The following INTS6 variants were observed in gnomAD, a reference collection of about 807,000 sequenced individuals.
INTS6 encodes the protein integrator complex subunit 6, also known as DEAD box protein.
In INTS6, 16 loss-of-function variants were observed where a neutral mutation model predicts 104.9. The ratio of observed to expected loss-of-function variants is 0.15; its 90% CI spans 0.10 to 0.23. The LOEUF (loss-of-function observed/expected upper bound fraction) is 0.23, where lower values mean the gene tolerates loss of function less well. Ranked by LOEUF, INTS6 falls within the 10% of genes least tolerant of loss-of-function variation. INTS6 has a pLI of 1.00. For synonymous variants in INTS6, 324 were observed against 358.7 expected (o/e 0.90, Z 1.09); for missense variants, 584 against 1,062.8 (o/e 0.55, Z 6.26).
At chr13:51,397,967 G>T (rs1956371154) in intron 4 of INTS6, among the ~76,000 whole-genome samples, 1 of 151,688 alleles carries the variant, frequency 6.6e-6, no homozygotes, top group African/African-American at 2.4e-5. Context: ...CCCCAGCAAG[G>T]TTCACAAGCA....
At chr13:51,434,203 T>C (rs988476763) in intron 3 of INTS6, among the ~76,000 whole-genome samples, 1 of 152,214 alleles carries the variant, frequency 6.6e-6, no homozygotes, top group South Asian at 2.1e-4. Context: ...CTTTACTTGG[T>C]AGATTCCTGT....
chr13:51,450,629 C>A (rs990180059), intron 3 of INTS6: 1 of 986,844 alleles, frequency 1.0e-6, no homozygotes, highest in Non-Finnish European at 1.2e-6. Context: ...AGATTAATTT[C>A]CTCTAACATC....
chr13:51,449,502 T>A, intron 3 of INTS6: 9 of 985,336 alleles, frequency 9.1e-6, no homozygotes, highest in Non-Finnish European at 1.1e-5. Flanking sequence ...GTATTTTTAA[T>A]AGGTAATAGG....
intron 4 of INTS6, among the ~76,000 whole-genome samples, chr13:51,410,564 G>C (rs1956665682): frequency 6.6e-6 from 1 of 152,072 alleles, no homozygotes; most frequent in African/African-American, 2.4e-5. Flanking sequence ...AATTCTAAAT[G>C]AATTATTTCT....
At chr13:51,346,905 T>G in the INTS6 span, 2 of 685,078 alleles carry the variant, frequency 2.9e-6, no homozygotes, top group African/African-American at 1.8e-5. Flanking sequence ...GAGACCACCT[T>G]AAGCAAAAAG....
the INTS6 span, chr13:51,340,966 G>A: frequency 1.3e-4 from 145 of 1,097,024 alleles, no homozygotes; most frequent in African/African-American, 1.6e-4. Context: ...TCCCTCAGCC[G>A]TCCCTAGCCC....
intron 15 of INTS6, among the ~76,000 whole-genome samples, chr13:51,372,222 G>C (rs1197259242): frequency 6.6e-6 from 1 of 151,254 alleles, no homozygotes; most frequent in African/African-American, 2.4e-5. Context: ...CCCTTGTTAG[G>C]CTCTGCCCCT....
intron 5 of INTS6, among the ~76,000 whole-genome samples, chr13:51,392,197 C>T (rs555121471): frequency 9.2e-5 from 14 of 152,196 alleles, no homozygotes; most frequent in Admixed American, 2.6e-4. Context: ...TCAGACGTCA[C>T]CTCCCGTAAA....
intron 7 of INTS6, 28 bp from the exon 8 acceptor site, chr13:51,383,769 C>T (rs1172394164): frequency 2.6e-6 from 4 of 1,543,596 alleles, no homozygotes; most frequent in South Asian, 1.2e-5. Flanking sequence ...GTAATTACTA[C>T]TTACATGAAA....
chr13:51,375,476 T>TAAAA (rs35989339), intron 13 of INTS6, among the ~76,000 whole-genome samples: 11 of 146,432 alleles, frequency 7.5e-5, no homozygotes, highest in South Asian at 2.1e-4. Flanking sequence ...TACAGTATGG[T>TAAAA]AAAAAAAAAA....
Position 51,451,957 on chromosome 13 carries a change from G to A in INTS6, c.189+21C>T, listed in dbSNP as rs773187727. 3.3e-5 allele frequency: 52 copies of A among 1,595,796 alleles called. No homozygotes were observed. The South Asian group carries it at 3.4e-4, about 11-fold the overall frequency. The stretch of plus-strand genomic sequence containing the variant: ...GAACAGGGAAGGGAAGGGAGGAAAG[G>A]GGGAGGGCGAGGGCTGTTACCTTGA... On this transcript the variant is annotated intron_variant, in intron 2 of 17. Transcript: ENST00000311234.
intron 5 of INTS6, 102 bp from the exon 6 acceptor site, chr13:51,389,546 C>G: frequency 8.9e-7 from 1 of 1,118,416 alleles, no homozygotes; most frequent in Middle Eastern, 2.1e-4. Context: ...TGTGGGGTTT[C>G]TGACAGTACT....
chr13:51,450,965 G>T, intron 3 of INTS6, 60 bp downstream of exon 3: 1 of 1,434,468 alleles, frequency 7.0e-7, no homozygotes, highest in Non-Finnish European at 9.2e-7. Flanking sequence ...TTTTGGACTG[G>T]ACTGTGTTTT....
rs1024956567 is a variant in INTS6 at position 51,364,058 on chromosome 13, T to C, written c.*1694A>G. 5.2e-6 allele frequency: 2 copies of C among 386,786 alleles called. No homozygotes were observed. 24.0% of individuals were successfully genotyped at this position (386,786 alleles called of 1,614,324 possible). A position where few individuals can be genotyped will look rare whatever the true frequency, so the allele number is the denominator to read the frequency against. ...ATATAATTTAGGAACAGACAATATA[T>C]TCTGGATTTTGTGTAACTCTCAATG... is the stretch of plus-strand genomic sequence containing the variant. On this transcript the variant is annotated 3_prime_UTR_variant, in exon 18 of 18. Transcript: ENST00000311234.
intron 4 of INTS6, 170 bp downstream of exon 4, chr13:51,430,124 C>A: frequency 1.9e-6 from 1 of 532,212 alleles, no homozygotes; most frequent in Non-Finnish European, 3.3e-6. Context: ...GATTCTTATT[C>A]AAGAAAATAA....
At chr13:51,377,876 C>A (rs1465783018) in intron 12 of INTS6, among the ~76,000 whole-genome samples, 3 of 152,098 alleles carry the variant, frequency 2.0e-5, no homozygotes, top group Non-Finnish European at 2.9e-5. Context: ...ATATCTGTAA[C>A]CATGAGTACT....
intron 3 of INTS6, chr13:51,439,057 C>T (rs1029690197): frequency 6.6e-6 from 1 of 152,228 alleles, no homozygotes; most frequent in African/African-American, 2.4e-5. Context: ...AAGGTTCACT[C>T]GCTTTAAGAC....
intron 9 of INTS6, among the ~76,000 whole-genome samples, chr13:51,382,903 CCT>C (rs1220104405): frequency 6.6e-6 from 1 of 151,846 alleles, no homozygotes; most frequent in African/African-American, 2.4e-5. Context: ...ATGGTGAAAC[CCT>C]GTCTCTACTA....
In INTS6 at chr13:51,364,170, A is replaced by G; in HGVS notation, c.*1582T>C. On this transcript the variant is annotated 3_prime_UTR_variant, in exon 18 of 18. Transcript: ENST00000311234. ...CATTACTTAAAAGTATTTGTATAGA[A>G]GTAAACAAAGCTTAAAGAACTGCAT... The G allele has an allele frequency of 5.5e-6, 4 of 730,854 alleles. No individual in the cohort carries two copies. Among genetic ancestry groups the G allele is most frequent in the Non-Finnish European group, 8.7e-6 (4 of 460,088 alleles). 45.3% of individuals were successfully genotyped at this position (730,854 alleles called of 1,614,324 possible).
Sources: allele counts gnomAD v4.1 joint callset (sites outside exome capture counted in the v4.1 genomes callset), GRCh38; gene constraint gnomAD v4.1.1; transcripts MANE v1.5; gene names NCBI Gene and HGNC (gene_info 2026-07-23, HGNC 2026-07-21).